The following GOLGB1 variants were observed in gnomAD, a reference collection of about 807,000 sequenced individuals.
GOLGB1 encodes golgin B1, also known as golgin subfamily B member 1.
A neutral mutation model predicts 336.9 loss-of-function variants in GOLGB1; 174 were observed. The observed-to-expected ratio is 0.52, with a 90% CI of 0.46 to 0.59. The LOEUF (loss-of-function observed/expected upper bound fraction) is 0.59. Ranked by LOEUF, GOLGB1 falls within the 20% of genes least tolerant of loss-of-function variation. The pLI is 0.00. For synonymous variants in GOLGB1, 1,208 were observed against 1,289.2 expected (o/e 0.94, Z 1.35); for missense variants, 3,331 against 3,645.3 (o/e 0.91, Z 2.22).
At chr3:121,708,230 T>A (rs1261123574) in intron 10 of GOLGB1, among the ~76,000 whole-genome samples, 2 of 152,124 alleles carry the variant, frequency 1.3e-5, no homozygotes, top group African/African-American at 4.8e-5. Flanking sequence ...AGATCAGTGG[T>A]TGTCTAGGTA....
chr3:121,725,675 C>T (rs916082973), intron 5 of GOLGB1, among the ~76,000 whole-genome samples: 13 of 152,070 alleles, frequency 8.5e-5, no homozygotes, highest in South Asian at 2.1e-4. Flanking sequence ...CCAAAACTCA[C>T]GTTGAAACTG....
intron 10 of GOLGB1, among the ~76,000 whole-genome samples, chr3:121,708,758 T>C (rs980143279): frequency 6.6e-6 from 1 of 152,020 alleles, no homozygotes; most frequent in African/African-American, 2.4e-5. Flanking sequence ...AAGTTGTCAA[T>C]AAATGAAAAT....
At chr3:121,726,677 G>A in intron 5 of GOLGB1, among the ~76,000 whole-genome samples, 1 of 152,004 alleles carries the variant, frequency 6.6e-6, no homozygotes, top group East Asian at 1.9e-4. Flanking sequence ...TAAAATATGT[G>A]AAACCATATA....
At chr3:121,738,702 A>G (rs1012827334) in intron 1 of GOLGB1, among the ~76,000 whole-genome samples, 8 of 152,206 alleles carry the variant, frequency 5.3e-5, no homozygotes, top group Admixed American at 5.2e-4. Context: ...CTCAGAACTG[A>G]AGAGTTGGGG....
At chr3:121,688,197 C>T (rs559912730) in intron 14 of GOLGB1, among the ~76,000 whole-genome samples, 1 of 152,144 alleles carries the variant, frequency 6.6e-6, no homozygotes, top group Non-Finnish European at 1.5e-5. Context: ...CCCATGGTCT[C>T]CCTCTCCCTC....
chr3:121,747,150 TTATATATATATATATATATATATA>T (rs548032779), intron 1 of GOLGB1, among the ~76,000 whole-genome samples: 144 of 49,586 alleles, frequency 2.9e-3, no homozygotes, highest in Middle Eastern at 0.019. Context: ...TACATGGATG[TTATATATATATATATATATATATA>T]TATATATATA....
At chr3:121,721,522 G>T (rs1050963408) in intron 6 of GOLGB1, among the ~76,000 whole-genome samples, 1 of 152,158 alleles carries the variant, frequency 6.6e-6, no homozygotes, top group African/African-American at 2.4e-5. Context: ...CCAGCTACTT[G>T]GGAAGCTGAG....
intron 10 of GOLGB1, among the ~76,000 whole-genome samples, chr3:121,712,370 G>A (rs1043541351): frequency 1.3e-5 from 2 of 151,496 alleles, no homozygotes; most frequent in African/African-American, 4.9e-5. Context: ...GAAAGCATAA[G>A]AGAATATCTT....
intron 18 of GOLGB1, 95 bp downstream of exon 18, chr3:121,669,117 T>C: frequency 5.7e-6 from 7 of 1,226,528 alleles, no homozygotes; most frequent in Non-Finnish European, 8.1e-6. Context: ...TGACCCCTAA[T>C]TACATTAACT....
At chr3:121,667,050 TAAA>T (rs903102571) in intron 20 of GOLGB1, among the ~76,000 whole-genome samples, 2 of 152,212 alleles carry the variant, frequency 1.3e-5, no homozygotes, top group African/African-American at 4.8e-5. Flanking sequence ...TGCCAACAAA[TAAA>T]AAGCTACATT....
At chr3:121,735,940 G>A (rs1486573937) in intron 1 of GOLGB1, among the ~76,000 whole-genome samples, 1 of 152,044 alleles carries the variant, frequency 6.6e-6, no homozygotes, top group African/African-American at 2.4e-5. Flanking sequence ...GAGCCAGAAA[G>A]TAAGGAAGTG....
chr3:121,742,737 T>A (rs1946966451), intron 1 of GOLGB1, among the ~76,000 whole-genome samples: 2 of 151,928 alleles, frequency 1.3e-5, no homozygotes, highest in African/African-American at 4.8e-5. Flanking sequence ...AGGGCTAACA[T>A]CCAGAACCTA....
At chr3:121,746,226 C>T (rs923832291) in intron 1 of GOLGB1, among the ~76,000 whole-genome samples, 1 of 152,128 alleles carries the variant, frequency 6.6e-6, no homozygotes, top group African/African-American at 2.4e-5. Context: ...TGATTTTCAA[C>T]CAAGTTGAGG....
At chr3:121,707,105 T>C (rs574916083) in intron 10 of GOLGB1, among the ~76,000 whole-genome samples, 1 of 151,118 alleles carries the variant, frequency 6.6e-6, no homozygotes, top group Non-Finnish European at 1.5e-5. Flanking sequence ...TGGGTGCCTG[T>C]AGTCCCAGCT....
chr3:121,685,772 G>C (rs1941661865), intron 14 of GOLGB1, among the ~76,000 whole-genome samples: 1 of 152,070 alleles, frequency 6.6e-6, no homozygotes, highest in Non-Finnish European at 1.5e-5. Context: ...GAAGAAATGG[G>C]GTTGAGGTAG....
At chr3:121,719,098 T>TA (rs1302235937) in intron 7 of GOLGB1, among the ~76,000 whole-genome samples, 1 of 152,220 alleles carries the variant, frequency 6.6e-6, no homozygotes, top group African/African-American at 2.4e-5. Flanking sequence ...AGATCAAACA[T>TA]AAAGTATCAC....
Position 121,696,924 on chromosome 3 carries a change from T to G in GOLGB1, c.3599A>C (p.Gln1200Pro). ...CTCCCTGAGATGTCTTTCTTTCTCC[T>G]GTGCCTTTTTAAGAATTGCCTTGCG... ...TSRKAILKKA[Q>P]EKERHLREEL... The change falls in exon 13 of 22, where the codon CAG becomes CCG. Residue 1200 changes from glutamine to proline, a missense_variant. Coordinates refer to ENST00000614479, the MANE Select transcript of GOLGB1 (RefSeq NM_001366282.2). 1 of 1,614,088 alleles carries G rather than the reference T, an allele frequency of 6.2e-7. No homozygotes were observed. Among genetic ancestry groups the G allele is most frequent in the East Asian group, 2.2e-5 (1 of 44,888 alleles).
At chr3:121,686,199 T>TA (rs1941704061) in intron 14 of GOLGB1, among the ~76,000 whole-genome samples, 1 of 152,222 alleles carries the variant, frequency 6.6e-6, no homozygotes, top group African/African-American at 2.4e-5. Context: ...CCTCAATACT[T>TA]AAAGACTATT....
chr3:121,668,025 G>T, intron 19 of GOLGB1, 36 bp downstream of exon 19: 1 of 1,100,338 alleles, frequency 9.1e-7, no homozygotes, highest in Non-Finnish European at 1.3e-6. Context: ...CTGGACTCTG[G>T]TGTATGCTCC....
Sources: gnomAD v4.1 joint callset for allele counts (sites outside exome capture counted in the v4.1 genomes callset) on GRCh38, gnomAD v4.1.1 for gene constraint, MANE v1.5 for transcripts, NCBI Gene and HGNC (gene_info 2026-07-23, HGNC 2026-07-21) for gene names.